EYS: variants seen among roughly 807,000 people sequenced by gnomAD.
EYS encodes the protein EGF-like photoreceptor maintenance factor, also known as protein eyes shut homolog.
In EYS, 250 loss-of-function variants were observed where a neutral mutation model predicts 282.1. That is an observed-to-expected ratio of 0.89 (90% CI 0.80 to 0.98). The LOEUF (loss-of-function observed/expected upper bound fraction) is 0.98. Among genes scored for constraint, EYS ranks in the 50% least tolerant of loss-of-function variants. The pLI, the probability that EYS is intolerant of heterozygous loss-of-function variation, is 0.00. For synonymous variants in EYS, 1,355 were observed against 1,282.9 expected (o/e 1.06, Z -1.20); for missense variants, 4,016 against 3,709.0 (o/e 1.08, Z -2.15).
chr6:64,215,633 A>T (rs1050649878), intron 31 of EYS, among the ~76,000 whole-genome samples: 1 of 152,126 alleles, frequency 6.6e-6, no homozygotes, highest in Non-Finnish European at 1.5e-5. Context: ...CTAAATGATT[A>T]CTTACCTATT....
At chr6:64,833,609 A>G (rs535485357) in intron 19 of EYS, among the ~76,000 whole-genome samples, 1 of 151,896 alleles carries the variant, frequency 6.6e-6, no homozygotes, top group Non-Finnish European at 1.5e-5. Context: ...AACAACAAAA[A>G]TGTGTCTCAT....
chr6:65,141,520 C>T (rs57187690), intron 12 of EYS, among the ~76,000 whole-genome samples: 38,940 of 151,536 alleles, frequency 0.26, 5,311 homozygotes, highest in African/African-American at 0.35. Flanking sequence ...ATTTCTAAAT[C>T]TGGCAAAAGA....
At chr6:65,343,964 T>A in intron 10 of EYS, 74 bp downstream of exon 10, 1 of 1,292,596 alleles carries the variant, frequency 7.7e-7, no homozygotes. Context: ...ACCTAAACAT[T>A]TCTAACTTTC....
intron 31 of EYS, among the ~76,000 whole-genome samples, chr6:64,186,239 T>G (rs1230637477): frequency 7.7e-6 from 1 of 130,100 alleles, no homozygotes; most frequent in African/African-American, 2.9e-5. Context: ...CAGGCTTATA[T>G]GTGTGTTTTA....
chr6:65,077,101 T>C (rs7743705), intron 12 of EYS, among the ~76,000 whole-genome samples: 80,460 of 151,820 alleles, frequency 0.53, 21,938 homozygotes, highest in African/African-American at 0.63. Flanking sequence ...CAGCATCAGG[T>C]GTGGAAGCAG....
chr6:65,240,888 T>C (rs188556173), intron 12 of EYS, among the ~76,000 whole-genome samples: 12 of 152,336 alleles, frequency 7.9e-5, no homozygotes, highest in Admixed American at 2.0e-4. Context: ...TGAATAAAGT[T>C]ACATTCCCAT....
chr6:65,698,687 A>T (rs910433323), intron 1 of EYS, among the ~76,000 whole-genome samples: 2 of 152,124 alleles, frequency 1.3e-5, no homozygotes, highest in Middle Eastern at 3.2e-3. Context: ...CTATTACATG[A>T]ATTGCTAAAA....
At chr6:65,005,346 CTA>C (rs1771609564) in intron 13 of EYS, among the ~76,000 whole-genome samples, 1 of 147,624 alleles carries the variant, frequency 6.8e-6, no homozygotes, top group Non-Finnish European at 1.5e-5. Flanking sequence ...TCTAATAGAG[CTA>C]TAACACTTAC....
chr6:64,194,224 C>T (rs1297712606), intron 31 of EYS, among the ~76,000 whole-genome samples: 1 of 152,146 alleles, frequency 6.6e-6, no homozygotes, highest in Non-Finnish European at 1.5e-5. Flanking sequence ...CCCCCACCAA[C>T]CCAACACACA....
chr6:65,491,533 C>T (rs1766043486), intron 4 of EYS: 1 of 411,640 alleles, frequency 2.4e-6, no homozygotes, highest in Non-Finnish European at 4.9e-6. Flanking sequence ...TCCTTATATA[C>T]TGACATCCCT....
At chr6:64,214,205 C>A (rs1377234823) in intron 31 of EYS, among the ~76,000 whole-genome samples, 1 of 152,052 alleles carries the variant, frequency 6.6e-6, no homozygotes, top group East Asian at 1.9e-4. Flanking sequence ...TCTCGTTGTA[C>A]AAAATGTTAA....
At chr6:64,388,954 T>A in intron 28 of EYS, 114 bp from the exon 29 acceptor site, 1 of 707,720 alleles carries the variant, frequency 1.4e-6, no homozygotes, top group East Asian at 3.3e-5. Context: ...TATTTCACAA[T>A]AAAACAAAGC....
intron 11 of EYS, chr6:65,332,463 C>T: frequency 7.4e-7 from 1 of 1,355,546 alleles, no homozygotes. Flanking sequence ...TAACTTAAGG[C>T]CTAATATTTA....
intron 29 of EYS, among the ~76,000 whole-genome samples, chr6:64,310,371 C>T (rs1582576303): frequency 6.6e-6 from 1 of 152,078 alleles, no homozygotes; most frequent in Non-Finnish European, 1.5e-5. Context: ...AGAAAATGTA[C>T]ATAGACACAA....
intron 26 of EYS, among the ~76,000 whole-genome samples, chr6:64,459,320 A>T (rs1272503936): frequency 6.6e-6 from 1 of 152,200 alleles, no homozygotes; most frequent in Non-Finnish European, 1.5e-5. Flanking sequence ...TGATGAGAAA[A>T]TGTATTTCTG....
intron 15 of EYS, among the ~76,000 whole-genome samples, chr6:64,937,931 T>C (rs1440989898): frequency 2.0e-5 from 3 of 151,728 alleles, no homozygotes; most frequent in African/African-American, 4.8e-5. Flanking sequence ...TGATGTAATG[T>C]TATCTGGCCA....
At chr6:65,628,562 C>T (rs954393293) in intron 2 of EYS, among the ~76,000 whole-genome samples, 1 of 152,166 alleles carries the variant, frequency 6.6e-6, no homozygotes, top group African/African-American at 2.4e-5. Context: ...TATGAGCTGT[C>T]ACACTCACCG....
At chr6:64,749,764 G>A (rs1448234874) in intron 22 of EYS, among the ~76,000 whole-genome samples, 4 of 152,136 alleles carry the variant, frequency 2.6e-5, no homozygotes, top group Non-Finnish European at 5.9e-5. Context: ...AGCCCAGGTT[G>A]TCTACTCTGG....
intron 16 of EYS, among the ~76,000 whole-genome samples, chr6:64,911,837 C>T (rs558024390): frequency 1.2e-4 from 18 of 152,206 alleles, no homozygotes; most frequent in African/African-American, 4.1e-4. Context: ...AGACTTTCTT[C>T]GCTTGCATAT....
Sources: allele counts gnomAD v4.1 joint callset (sites outside exome capture counted in the v4.1 genomes callset), GRCh38; gene constraint gnomAD v4.1.1; transcripts MANE v1.5; gene names NCBI Gene and HGNC (gene_info 2026-07-23, HGNC 2026-07-21).